GABRG2: variants seen among roughly 807,000 people sequenced by gnomAD.
GABRG2 encodes gamma-aminobutyric acid receptor subunit gamma-2.
GABRG2 carries 16 observed loss-of-function variants against 56.4 expected under a neutral mutation model. That is an observed-to-expected ratio of 0.28 (90% CI 0.19 to 0.43). The LOEUF is 0.43. Among genes scored for constraint, GABRG2 ranks in the 20% least tolerant of loss-of-function variants. The pLI is 1.00. For synonymous variants in GABRG2, 208 were observed against 205.5 expected (o/e 1.01, Z -0.10); for missense variants, 327 against 582.7 (o/e 0.56, Z 4.52).
intron 3 of GABRG2, 150 bp downstream of exon 3, chr5:162,095,712 G>C: frequency 1.6e-6 from 1 of 635,728 alleles, no homozygotes; most frequent in South Asian, 1.9e-5. Context: ...TTTTTTTCTT[G>C]TAATATGAAG....
chr5:162,152,098 TA>T (rs1218738764), intron 9 of GABRG2: 1 of 222,478 alleles, frequency 4.5e-6, no homozygotes, highest in Non-Finnish European at 8.8e-6. Flanking sequence ...CTTTTAAAAC[TA>T]AAATTTAACT....
chr5:162,087,355 A>C (rs1760201980), intron 1 of GABRG2, among the ~76,000 whole-genome samples: 2 of 151,980 alleles, frequency 1.3e-5, no homozygotes, highest in Non-Finnish European at 2.9e-5. Context: ...ATGAAGGTTA[A>C]ATATTTATCA....
intron 6 of GABRG2, among the ~76,000 whole-genome samples, chr5:162,130,265 G>A (rs576964587): frequency 1.3e-4 from 20 of 152,044 alleles, no homozygotes; most frequent in Admixed American, 7.2e-4. Flanking sequence ...GTAAGGTCAA[G>A]TTTTTAAACC....
chr5:162,127,901 A>T (rs543378894), intron 6 of GABRG2, among the ~76,000 whole-genome samples: 2 of 152,058 alleles, frequency 1.3e-5, no homozygotes, highest in Non-Finnish European at 2.9e-5. Context: ...TTTGTTCTGA[A>T]AACCACATGG....
chr5:162,102,494 G>A (rs1212518078), intron 5 of GABRG2: 1 of 453,780 alleles, frequency 2.2e-6, no homozygotes, highest in African/African-American at 2.0e-5. Flanking sequence ...CACATTCTCT[G>A]CCTCATATCA....
chr5:162,086,904 C>G (rs776801810), intron 1 of GABRG2, among the ~76,000 whole-genome samples: 30 of 151,894 alleles, frequency 2.0e-4, no homozygotes, highest in South Asian at 4.1e-4. Context: ...CGTGTACTTT[C>G]TTGTACATGT....
intron 1 of GABRG2, among the ~76,000 whole-genome samples, chr5:162,071,607 C>T (rs913002953): frequency 7.2e-5 from 11 of 151,858 alleles, no homozygotes; most frequent in African/African-American, 2.7e-4. Context: ...TGTTTTTATT[C>T]CATAATTTTA....
chr5:162,075,160 T>C (rs1433896939), intron 1 of GABRG2, among the ~76,000 whole-genome samples: 1 of 152,176 alleles, frequency 6.6e-6, no homozygotes, highest in Non-Finnish European at 1.5e-5. Context: ...TTCTATTCCT[T>C]CTTAGCAGTG....
At chr5:162,091,183 T>A (rs189559785) in intron 1 of GABRG2, among the ~76,000 whole-genome samples, 109 of 152,108 alleles carry the variant, frequency 7.2e-4, no homozygotes, top group Non-Finnish European at 4.9e-4. Context: ...CAGCCCATAT[T>A]GCATTAAAAG....
rs936124668 is a variant in GABRG2 at position 162,097,923 on chromosome 5, C to CT, written c.548+67dup. Reference sequence around the variant, plus strand: ...AAAACAAACAAACACAAAAATCAACCTTAAGTCTCTAAAAGAAAAAAAAAA... The same window carrying CT: ...AAAACAAACAAACACAAAAATCAACCTTTAAGTCTCTAAAAGAAAAAAAAAA... On this transcript the variant is annotated intron_variant, in intron 4 of 9. Transcript: ENST00000639213. The CT allele has an allele frequency of 4.6e-5, 63 of 1,369,600 alleles. No individual in the cohort carries two copies. The African/African-American group carries it at 8.0e-4, about 17-fold the overall frequency. 84.8% of individuals were successfully genotyped at this position (1,369,600 alleles called of 1,614,324 possible).
chr5:162,085,693 C>T (rs532103443), intron 1 of GABRG2, among the ~76,000 whole-genome samples: 209 of 151,316 alleles, frequency 1.4e-3, no homozygotes, highest in South Asian at 5.6e-3. Context: ...AAGCTTGGTG[C>T]CCATCAGTTA....
chr5:162,155,031 A>G lies in GABRG2; in HGVS notation c.*1663A>G, dbSNP rs1753764884. On this transcript the variant is annotated 3_prime_UTR_variant, in exon 10 of 10. Coordinates refer to ENST00000639213, the MANE Select transcript of GABRG2 (RefSeq NM_198904.4). ...TTTATGGAAATTATTACTCTGTCATAATTAAATCATAGCTAGTATAACTTT... is the reference window on the plus strand; with the variant it reads ...TTTATGGAAATTATTACTCTGTCATGATTAAATCATAGCTAGTATAACTTT... 6.6e-6 allele frequency: 1 copy of G among 152,348 alleles called. No individual in the cohort carries two copies. Among genetic ancestry groups the G allele is most frequent in the African/African-American group, 2.4e-5 (1 of 41,436 alleles). The allele number at this position is 152,348 out of a possible 1,614,324, so 9.4% of individuals were successfully genotyped here.
intron 6 of GABRG2, among the ~76,000 whole-genome samples, chr5:162,139,764 T>A (rs1764417399): frequency 6.6e-6 from 1 of 152,188 alleles, no homozygotes; most frequent in Admixed American, 6.5e-5. Flanking sequence ...TAATTCGTAA[T>A]TTTTTATTTA....
At chr5:162,082,450 C>A (rs943232042) in intron 1 of GABRG2, among the ~76,000 whole-genome samples, 55 of 151,848 alleles carry the variant, frequency 3.6e-4, no homozygotes, top group Middle Eastern at 3.4e-3. Flanking sequence ...GTAACACATG[C>A]TTAAAATTGG....
At chr5:162,149,428 G>C in intron 8 of GABRG2, 115 bp downstream of exon 8, 1 of 920,792 alleles carries the variant, frequency 1.1e-6, no homozygotes, top group Non-Finnish European at 1.7e-6. Flanking sequence ...GATGAAAACA[G>C]CATGTATGAG....
chr5:162,150,533 A>G (rs1308714150), intron 8 of GABRG2: 1 of 152,262 alleles, frequency 6.6e-6, no homozygotes, highest in Admixed American at 6.5e-5. Flanking sequence ...TGGCTGGCTC[A>G]TAGAAATCCC....
At chr5:162,074,764 A>T (rs1441263986) in intron 1 of GABRG2, among the ~76,000 whole-genome samples, 6 of 152,104 alleles carry the variant, frequency 3.9e-5, no homozygotes, top group African/African-American at 1.4e-4. Context: ...TATGAAACGA[A>T]TATCATTTGA....
At chr5:162,123,552 A>G (rs1180881790) in intron 6 of GABRG2, among the ~76,000 whole-genome samples, 1 of 151,944 alleles carries the variant, frequency 6.6e-6, no homozygotes, top group Non-Finnish European at 1.5e-5. Context: ...CAGCAAAAAG[A>G]AAAAAGTAAC....
At chr5:162,150,464 T>A (rs1168397586) in intron 8 of GABRG2, 2 of 152,194 alleles carry the variant, frequency 1.3e-5, no homozygotes, top group East Asian at 1.9e-4. Flanking sequence ...AAAGCAACTG[T>A]TTTTTATTGT....
Sources: allele counts gnomAD v4.1 joint callset (sites outside exome capture counted in the v4.1 genomes callset), GRCh38; gene constraint gnomAD v4.1.1; transcripts MANE v1.5; gene names NCBI Gene and HGNC (gene_info 2026-07-23, HGNC 2026-07-21).